The following CNTLN variants were observed in gnomAD, a reference collection of about 807,000 sequenced individuals.
The protein encoded by CNTLN is centlein, centrosomal protein.
Under a neutral mutation model 180.0 loss-of-function variants are expected in CNTLN, and 212 were observed. That is an observed-to-expected ratio of 1.18 (90% CI 1.05 to 1.32). The LOEUF (loss-of-function observed/expected upper bound fraction) is 1.32, where lower values mean the gene tolerates loss of function less well. CNTLN is among the 40% of genes most tolerant of loss of function. CNTLN has a pLI of 0.00. For synonymous variants in CNTLN, 722 were observed against 563.1 expected, an observed-to-expected ratio of 1.28 and a Z score of -3.99; for missense variants, 2,095 against 1,610.9, an observed-to-expected ratio of 1.30 and a Z score of -5.14.
At chr9:17,401,467 G>GCTAAGTTTTGGCCA (rs1564073269) in intron 15 of CNTLN, among the ~76,000 whole-genome samples, 1 of 151,642 alleles carries the variant, frequency 6.6e-6, no homozygotes, top group Admixed American at 6.6e-5. Flanking sequence ...TCGACTTCCT[G>GCTAAGTTTTGGCCA]AGCTCGAGCT....
chr9:17,365,578 G>A (rs1263243430), intron 12 of CNTLN, among the ~76,000 whole-genome samples: 1 of 151,968 alleles, frequency 6.6e-6, no homozygotes, highest in African/African-American at 2.4e-5. Flanking sequence ...GCCTTTATTT[G>A]GCATCTAGGA....
Position 17,332,653 on chromosome 9 carries a change from A to G in CNTLN, c.1567A>G (p.Thr523Ala). Residue 523 changes from threonine (T) to alanine (A), a missense_variant, in exon 10 of 26, where the codon ACA (threonine) becomes GCA (alanine). By Grantham distance (58) the Thr-to-Ala change is moderately conservative. Coordinates refer to ENST00000380647, the MANE Select transcript of CNTLN (RefSeq NM_017738.4). ...GTCTTTGTCCCCAAAGAGCTCTTTC[A>G]CAGACTCAGAAGAGCTACAGAAGCT... is the stretch of plus-strand genomic sequence containing the variant. The part of the protein sequence containing the change: ...SRSLSPKSSF[T>A]DSEELQKLRK... 6.2e-7 allele frequency: 1 copy of G among 1,608,590 alleles called. No individual in the cohort carries two copies. Among genetic ancestry groups the G allele is most frequent in the Non-Finnish European group, 8.5e-7 (1 of 1,177,892 alleles).
At chr9:17,426,050 G>T (rs1829062406) in intron 18 of CNTLN, among the ~76,000 whole-genome samples, 1 of 152,180 alleles carries the variant, frequency 6.6e-6, no homozygotes, top group African/African-American at 2.4e-5. Context: ...TTGTGTGAAT[G>T]TGAACCAGGG....
At chr9:17,190,793 G>A (rs1206881842) in intron 2 of CNTLN, among the ~76,000 whole-genome samples, 1 of 152,186 alleles carries the variant, frequency 6.6e-6, no homozygotes, top group East Asian at 1.9e-4. Context: ...AGATTAGGAA[G>A]AGTGAGGCTG....
intron 13 of CNTLN, among the ~76,000 whole-genome samples, chr9:17,369,397 A>G (rs1824115322): frequency 6.6e-6 from 1 of 152,044 alleles, no homozygotes; most frequent in African/African-American, 2.4e-5. Flanking sequence ...ATATACCAAG[A>G]AAACATGACT....
At chr9:17,399,209 A>T (rs1385354939) in intron 15 of CNTLN, among the ~76,000 whole-genome samples, 7 of 152,190 alleles carry the variant, frequency 4.6e-5, no homozygotes, top group Non-Finnish European at 1.0e-4. Flanking sequence ...ACGTAGTCCC[A>T]TGTATTATAT....
At chr9:17,451,212 C>CT (rs1237997111) in intron 18 of CNTLN, among the ~76,000 whole-genome samples, 1 of 152,034 alleles carries the variant, frequency 6.6e-6, no homozygotes, top group Non-Finnish European at 1.5e-5. Flanking sequence ...GAGTTCTTGC[C>CT]TGTAGAATTT....
At chr9:17,408,838 T>A (rs1827616366) in intron 15 of CNTLN, among the ~76,000 whole-genome samples, 1 of 150,896 alleles carries the variant, frequency 6.6e-6, no homozygotes, top group South Asian at 2.1e-4. Flanking sequence ...TAGTTGGTGC[T>A]TAAGAAGTAT....
At chr9:17,269,297 G>C (rs1361482709) in intron 5 of CNTLN, among the ~76,000 whole-genome samples, 1 of 151,604 alleles carries the variant, frequency 6.6e-6, no homozygotes, top group Non-Finnish European at 1.5e-5. Flanking sequence ...CCTTTCTTCT[G>C]CTAACTTTTG....
At chr9:17,437,400 T>C (rs1202347609) in intron 18 of CNTLN, among the ~76,000 whole-genome samples, 1 of 152,222 alleles carries the variant, frequency 6.6e-6, no homozygotes, top group Admixed American at 6.5e-5. Flanking sequence ...ATAGCATCAG[T>C]TAGAAATTTC....
chr9:17,349,046 A>G (rs1822153076), intron 12 of CNTLN, among the ~76,000 whole-genome samples: 1 of 152,100 alleles, frequency 6.6e-6, no homozygotes, highest in Admixed American at 6.5e-5. Context: ...TCTAGGAACT[A>G]GCTTGGGGTA....
In CNTLN at chr9:17,169,462, T is replaced by A. The variant is rs1820289375; in HGVS notation, c.449+26086T>A. On this transcript the variant is annotated intron_variant, in intron 2 of 25. Transcript: ENST00000380647. ...TTGAAATCAAATATTAAACTGGAGA[T>A]TATAAAATCTTTGACAAGACCGATG... Among the ~76,000 whole-genome samples, 5 of 152,312 alleles carry A rather than the reference T, an allele frequency of 3.3e-5. No homozygotes were observed. In the South Asian group the frequency reaches 1.0e-3, roughly 32 times the overall value.
chr9:17,277,249 G>A (rs942379007), intron 6 of CNTLN, among the ~76,000 whole-genome samples: 2 of 75,670 alleles, frequency 2.6e-5, no homozygotes, highest in Admixed American at 1.3e-4. Flanking sequence ...GGTATCTGTG[G>A]GGGATTGGTT....
chr9:17,340,693 C>G (rs932523357), intron 10 of CNTLN, 134 bp from the exon 11 acceptor site: 9 of 622,040 alleles, frequency 1.4e-5, no homozygotes, highest in African/African-American at 5.8e-5. Flanking sequence ...TGCTTAAATA[C>G]ATATTACAGA....
At chr9:17,252,193 A>ATT (rs1324851545) in intron 5 of CNTLN, among the ~76,000 whole-genome samples, 2 of 151,880 alleles carry the variant, frequency 1.3e-5, no homozygotes, top group African/African-American at 4.8e-5. Context: ...TGCCACAATA[A>ATT]ATGTTCAATT....
intron 18 of CNTLN, among the ~76,000 whole-genome samples, chr9:17,427,168 G>A (rs1829139296): frequency 6.6e-6 from 1 of 152,054 alleles, no homozygotes; most frequent in Non-Finnish European, 1.5e-5. Context: ...TGAAGTTGCT[G>A]GCCCTGGTGA....
intron 3 of CNTLN, among the ~76,000 whole-genome samples, 177 bp downstream of exon 3, chr9:17,226,464 G>T (rs1047850925): frequency 6.6e-6 from 1 of 151,658 alleles, no homozygotes; most frequent in African/African-American, 2.4e-5. Context: ...TACTTCTCTT[G>T]TACCCTTTTG....
At chr9:17,371,471 A>G (rs1824310973) in intron 13 of CNTLN, among the ~76,000 whole-genome samples, 1 of 152,176 alleles carries the variant, frequency 6.6e-6, no homozygotes, top group African/African-American at 2.4e-5. Flanking sequence ...TATATAAAGC[A>G]AATATTATTA....
At chr9:17,288,661 C>T (rs1197998127) in intron 6 of CNTLN, among the ~76,000 whole-genome samples, 2 of 136,222 alleles carry the variant, frequency 1.5e-5, no homozygotes, top group Non-Finnish European at 3.1e-5. Context: ...TTGTAGGTCA[C>T]TCAGGACTTG....
Sources: allele counts gnomAD v4.1 joint callset (sites outside exome capture counted in the v4.1 genomes callset), GRCh38; gene constraint gnomAD v4.1.1; transcripts MANE v1.5; gene names NCBI Gene and HGNC (gene_info 2026-07-23, HGNC 2026-07-21).